Variants in ZBTB20 observed in about 807,000 individuals in gnomAD.
The protein encoded by ZBTB20 is zinc finger and BTB domain containing 20.
A neutral mutation model predicts 56.9 loss-of-function variants in ZBTB20; 9 were observed. That is an observed-to-expected ratio of 0.16 (90% CI 0.10 to 0.28). ZBTB20 has a LOEUF of 0.28. Ranked by LOEUF, ZBTB20 falls within the 10% of genes least tolerant of loss-of-function variation. The pLI, the probability that ZBTB20 is intolerant of heterozygous loss-of-function variation, is 1.00. For missense variants in ZBTB20, 655 were observed against 1,003.0 expected (o/e 0.65, Z 4.69); for synonymous variants, 417 against 420.7 (o/e 0.99, Z 0.11).
In ZBTB20 at chr3:114,400,107, T is replaced by C. The variant is rs559956178; in HGVS notation, c.-254-11002A>G. On this transcript the variant is annotated intron_variant, in intron 7 of 11. Coordinates refer to ENST00000675478, the MANE Select transcript of ZBTB20 (RefSeq NM_001348800.3). ...ATGCCATGGTTGTCAACAAGCTTTG[T>C]AGCAAATCTGGGGCAGAGCACTAGA... Among the ~76,000 whole-genome samples the C allele has an allele frequency of 3.9e-5, 6 of 152,290 alleles. No individual in the cohort carries two copies. The South Asian group carries it at 1.0e-3, about 26-fold the overall frequency.
intron 3 of ZBTB20, among the ~76,000 whole-genome samples, chr3:114,925,396 T>G (rs566260518): frequency 6.6e-6 from 1 of 152,212 alleles, no homozygotes; most frequent in South Asian, 2.1e-4. Flanking sequence ...TGCTTTAATT[T>G]TTTTGCCTAG....
intron 7 of ZBTB20, among the ~76,000 whole-genome samples, chr3:114,404,811 T>A (rs2087153016): frequency 6.6e-6 from 1 of 152,168 alleles, no homozygotes; most frequent in African/African-American, 2.4e-5. Context: ...TGTGCCCTGA[T>A]TCTCTGCTGG....
Position 114,960,060 on chromosome 3 carries a change from C to T in ZBTB20, c.-456+14306G>A, listed in dbSNP as rs144759553. Among the ~76,000 whole-genome samples, 14 of 152,254 alleles carry T rather than the reference C, an allele frequency of 9.2e-5. No individual in the cohort carries two copies. The East Asian group carries it at 2.1e-3, about 23-fold the overall frequency. On this transcript the variant is annotated intron_variant, in intron 3 of 11. Transcript: ENST00000675478. Reference sequence around the variant, plus strand: ...AATATGTATAAAACAGGAAGATACACGAAAAGCTTTTGCCCACTTGGTGAA... The same window carrying T: ...AATATGTATAAAACAGGAAGATACATGAAAAGCTTTTGCCCACTTGGTGAA...
chr3:114,565,756 C>T (rs2052643601), intron 6 of ZBTB20, among the ~76,000 whole-genome samples: 1 of 151,922 alleles, frequency 6.6e-6, no homozygotes, highest in African/African-American at 2.4e-5. Flanking sequence ...ATGGAAAATG[C>T]TTATCTCACC....
intron 5 of ZBTB20, among the ~76,000 whole-genome samples, chr3:114,696,501 G>A (rs554179104): frequency 2.6e-5 from 4 of 151,970 alleles, no homozygotes; most frequent in Non-Finnish European, 4.4e-5. Flanking sequence ...TCTAAGAGAT[G>A]CCTAACAGTG....
At chr3:114,412,974 G>C (rs2088130357) in intron 7 of ZBTB20, among the ~76,000 whole-genome samples, 1 of 152,172 alleles carries the variant, frequency 6.6e-6, no homozygotes, top group East Asian at 1.9e-4. Context: ...GTCACACTAA[G>C]ATCATTCTGT....
At chr3:114,718,881 C>T (rs961702085) in intron 5 of ZBTB20, among the ~76,000 whole-genome samples, 1 of 151,534 alleles carries the variant, frequency 6.6e-6, no homozygotes, top group Non-Finnish European at 1.5e-5. Flanking sequence ...AGCAAAATTC[C>T]CAGAGTTAAT....
chr3:114,479,314 T>C (rs2041253880), intron 7 of ZBTB20, among the ~76,000 whole-genome samples: 1 of 152,206 alleles, frequency 6.6e-6, no homozygotes, highest in African/African-American at 2.4e-5. Flanking sequence ...AATCACCATG[T>C]AAATAATAGA....
intron 7 of ZBTB20, among the ~76,000 whole-genome samples, chr3:114,431,189 A>C (rs915945045): frequency 6.6e-6 from 1 of 152,202 alleles, no homozygotes; most frequent in African/African-American, 2.4e-5. Flanking sequence ...CTAAGGAAGT[A>C]GTGTAGTCTT....
intron 1 of ZBTB20, among the ~76,000 whole-genome samples, chr3:115,075,127 A>G (rs746126076): frequency 6.7e-6 from 1 of 150,230 alleles, no homozygotes; most frequent in African/African-American, 2.5e-5. Context: ...AAGAACACTT[A>G]AAATGAGATC....
At chr3:114,389,626 A>G (rs1263096500) in intron 7 of ZBTB20, among the ~76,000 whole-genome samples, 1 of 152,084 alleles carries the variant, frequency 6.6e-6, no homozygotes, top group Non-Finnish European at 1.5e-5. Flanking sequence ...GTGCTGGCTC[A>G]CACCTGTAAT....
chr3:114,400,662 A>G (rs1390126106), intron 7 of ZBTB20, among the ~76,000 whole-genome samples: 1 of 152,094 alleles, frequency 6.6e-6, no homozygotes, highest in South Asian at 2.1e-4. Flanking sequence ...ACAGGTGACA[A>G]TCACTGTTCC....
At chr3:114,735,647 A>T (rs548671943) in intron 5 of ZBTB20, among the ~76,000 whole-genome samples, 1 of 152,290 alleles carries the variant, frequency 6.6e-6, no homozygotes, top group South Asian at 2.1e-4. Context: ...TTAGTTTAAA[A>T]TATAACCAGT....
At chr3:115,016,688 G>A (rs2079975342) in intron 2 of ZBTB20, among the ~76,000 whole-genome samples, 1 of 151,772 alleles carries the variant, frequency 6.6e-6, no homozygotes, top group Non-Finnish European at 1.5e-5. Context: ...TTTTGTACCA[G>A]TGCCATGCTG....
At chr3:114,893,914 C>G (rs1437133158) in intron 4 of ZBTB20, among the ~76,000 whole-genome samples, 2 of 152,116 alleles carry the variant, frequency 1.3e-5, no homozygotes, top group Non-Finnish European at 2.9e-5. Context: ...AAACACTAAG[C>G]CTTCGAAGAC....
In ZBTB20 at chr3:115,126,635, G is replaced by A. The variant is rs578061767; in HGVS notation, c.-703+20584C>T. On this transcript the variant is annotated intron_variant, in intron 1 of 11. Coordinates refer to ENST00000675478, the MANE Select transcript of ZBTB20 (RefSeq NM_001348800.3). ...TACAGCAGGCTATTAATGAGTTATT[G>A]AGCTACAGCTAATAAGTTAATAATT... 2.0e-5 allele frequency among the ~76,000 whole-genome samples: 3 copies of A among 152,206 alleles called. No homozygotes were observed. The East Asian group carries it at 5.8e-4, about 29-fold the overall frequency.
intron 7 of ZBTB20, among the ~76,000 whole-genome samples, chr3:114,497,552 T>A (rs963571996): frequency 2.6e-5 from 4 of 152,212 alleles, no homozygotes; most frequent in Non-Finnish European, 4.4e-5. Flanking sequence ...ATCTACCTGG[T>A]AAACTGCAAT....
At chr3:115,126,666 T>G (rs185199238) in intron 1 of ZBTB20, among the ~76,000 whole-genome samples, 2 of 152,316 alleles carry the variant, frequency 1.3e-5, no homozygotes, top group Admixed American at 1.3e-4. Flanking sequence ...TAATTGGTAT[T>G]ATTTGTGACC....
At position 114,329,733 on chromosome 3, in the gene ZBTB20, A is replaced by AC. The variant is rs1221259312; in HGVS notation, c.*9271_*9272insG. 2.0e-5 allele frequency: 3 copies of AC among 149,438 alleles called. No individual in the cohort carries two copies. The highest frequency in any genetic ancestry group is 3.0e-5 in the Non-Finnish European group (2 of 67,608). 9.3% of individuals were successfully genotyped at this position (149,438 alleles called of 1,614,324 possible). A position where few individuals can be genotyped will look rare whatever the true frequency, so the allele number is the denominator to read the frequency against. On this transcript the variant is annotated 3_prime_UTR_variant, in exon 12 of 12. Transcript: ENST00000675478. ...GGAAAAAAAAAAAAAAAAAAAAAAA[A>AC]AAAACAACTCCCAGGAAAATGAACA...
Sources: allele counts gnomAD v4.1 joint callset (sites outside exome capture counted in the v4.1 genomes callset), GRCh38; gene constraint gnomAD v4.1.1; transcripts MANE v1.5; gene names NCBI Gene and HGNC (gene_info 2026-07-23, HGNC 2026-07-21).